Variants in CDC37 observed in about 807,000 individuals in gnomAD.
CDC37 encodes hsp90 co-chaperone Cdc37.
Under a neutral mutation model 46.9 loss-of-function variants are expected in CDC37, and 9 were observed. That is an observed-to-expected ratio of 0.19 (90% confidence interval 0.12 to 0.33). The LOEUF is 0.33. Among genes scored for constraint, CDC37 ranks in the 10% least tolerant of loss-of-function variants. The probability of loss-of-function intolerance (pLI) is 1.00; values close to 1 mark genes in which losing one functional copy is unlikely to be tolerated. For synonymous variants in CDC37, 193 were observed against 191.0 expected, an observed-to-expected ratio of 1.01 and a Z score of -0.09; for missense variants, 388 against 514.6, an observed-to-expected ratio of 0.75 and a Z score of 2.38.
intron 7 of CDC37, chr19:10,392,750 G>T (rs1338406533): frequency 5.5e-6 from 2 of 365,322 alleles, no homozygotes; most frequent in Non-Finnish European, 1.0e-5. Context: ...GCGTTTACCA[G>T]CCCCTGCCAT....
At chr19:10,395,904 G>GGCCCCCCCCCC in intron 2 of CDC37, 24 bp downstream of exon 2, 5 of 1,541,894 alleles carry the variant, frequency 3.2e-6, no homozygotes, top group Non-Finnish European at 3.5e-6. Context: ...CATGCGCACT[G>GGCCCCCCCCCC]CCCGCCCCGC....
chr19:10,401,751 G>A (rs1326608874), intron 1 of CDC37, among the ~76,000 whole-genome samples: 1 of 152,130 alleles, frequency 6.6e-6, no homozygotes, highest in African/African-American at 2.4e-5. Flanking sequence ...GGAAGGATGG[G>A]AAAGGGACCT....
intron 1 of CDC37, among the ~76,000 whole-genome samples, chr19:10,400,904 A>G (rs2042515421): frequency 3.9e-5 from 6 of 152,014 alleles, no homozygotes; most frequent in Admixed American, 3.9e-4. Flanking sequence ...CCCCAAAAGG[A>G]TTACAAATAT....
At chr19:10,392,891 G>A (rs1599379131) in intron 7 of CDC37, 195 bp downstream of exon 7, 4 of 605,798 alleles carry the variant, frequency 6.6e-6, no homozygotes, top group Non-Finnish European at 1.2e-5. Context: ...TCAAAGCTCA[G>A]CATTTATCTG....
At position 10,396,315 on chromosome 19, in the gene CDC37, C is replaced by T; in HGVS notation, c.103-112G>A. 1 of 1,266,922 alleles carries T rather than the reference C, an allele frequency of 7.9e-7. No individual in the cohort carries two copies. Among genetic ancestry groups the T allele is most frequent in the Non-Finnish European group, 1.1e-6 (1 of 921,082 alleles). 78.5% of individuals were successfully genotyped at this position (1,266,922 alleles called of 1,614,324 possible). A position where few individuals can be genotyped will look rare whatever the true frequency, so the allele number is the denominator to read the frequency against. Reference sequence around the variant, plus strand: ...CCAGGAAAAAGTACGCGTCCACCTCCCGTGCCCTGGTCTCCCAGCTTCCGC... The same window carrying T: ...CCAGGAAAAAGTACGCGTCCACCTCTCGTGCCCTGGTCTCCCAGCTTCCGC... On this transcript the variant is annotated intron_variant, in intron 1 of 7. Transcript: ENST00000222005. The surrounding 1 kb of genome is among the most constrained non-coding windows in gnomAD (Gnocchi z 5.9).
rs148106370 is a variant in CDC37 at position 10,393,357 on chromosome 19, T to C, written c.811A>G (p.Ile271Val). 49 of 1,613,956 alleles carry C rather than the reference T, an allele frequency of 3.0e-5. No homozygotes were observed. The highest frequency in any genetic ancestry group is 5.0e-5 in the Admixed American group (3 of 59,988). ...TCGTACTCCTTCATGGCCTTCTCGA[T>C]GCGCAGCTTGGCACGGCCCCGCACA... is the stretch of plus-strand genomic sequence containing the variant. ...ERVRGRAKLR[I>V]EKAMKEYEEE... Residue 271 changes from isoleucine to valine, a missense_variant, in exon 6 of 8, where the codon ATC becomes GTC. Around this residue, in one of 2 missense-constraint regions of CDC37, gnomAD observed 374 missense variants for 467.4 expected, o/e 0.80. Coordinates refer to ENST00000222005, the MANE Select transcript of CDC37 (RefSeq NM_007065.4). The surrounding 1 kb of genome is among the most constrained non-coding windows in gnomAD (Gnocchi z 4.9).
At chr19:10,391,743 C>T (rs768476894) in intron 7 of CDC37, 37 bp from the exon 8 acceptor site, 13 of 1,603,772 alleles carry the variant, frequency 8.1e-6, no homozygotes, top group Non-Finnish European at 1.1e-5. Context: ...GTGGGGCCGC[C>T]AGCCGGTGGT....
chr19:10,393,006 C>A lies in CDC37; in HGVS notation c.981+80G>T. 1 of 1,339,250 alleles carries A rather than the reference C, an allele frequency of 7.5e-7. No individual in the cohort carries two copies. The highest frequency in any genetic ancestry group is 1.1e-6 in the Non-Finnish European group (1 of 932,310). 83.0% of individuals were successfully genotyped at this position (1,339,250 alleles called of 1,614,324 possible). On this transcript the variant is annotated intron_variant, in intron 7 of 7. Transcript: ENST00000222005. This position sits in a 1 kb window ranked among gnomAD's most constrained non-coding sequence, Gnocchi z 4.9. ...AGCCTTGGAGGGGCACTTTCACCAG[C>A]CGGCTTCAGAGACTTGGGACACAGG... is the stretch of plus-strand genomic sequence containing the variant.
intron 7 of CDC37, chr19:10,392,878 C>T (rs536891167): frequency 3.0e-5 from 18 of 596,266 alleles, no homozygotes; most frequent in African/African-American, 1.7e-4. Context: ...GAAGGACATG[C>T]GCTCAAAGCT....
chr19:10,393,477 C>T lies in CDC37; in HGVS notation c.727-36G>A. On this transcript the variant is annotated intron_variant, in intron 5 of 7. Transcript: ENST00000222005. This position sits in a 1 kb window ranked among gnomAD's most constrained non-coding sequence, Gnocchi z 4.9. ...TGGGCAGTGCTCACTGGACCTGGCC[C>T]AACGCTCAGGAGGGACTGGGGGGCC... 6.3e-7 allele frequency: 1 copy of T among 1,585,192 alleles called. No individual in the cohort carries two copies. Among genetic ancestry groups the T allele is most frequent in the African/African-American group, 1.3e-5 (1 of 74,338 alleles).
At chr19:10,401,038 TACAG>T (rs1568356016) in intron 1 of CDC37, among the ~76,000 whole-genome samples, 1 of 152,214 alleles carries the variant, frequency 6.6e-6, no homozygotes, top group Non-Finnish European at 1.5e-5. Context: ...ACGTGAGTGA[TACAG>T]ACAGAGCTGA....
At position 10,396,695 on chromosome 19, in the gene CDC37, C is replaced by T. The variant is rs186222573; in HGVS notation, c.103-492G>A. Among the ~76,000 whole-genome samples, 33 of 152,264 alleles carry T rather than the reference C, an allele frequency of 2.2e-4. 1 individual carries two copies. In the East Asian group the frequency reaches 5.2e-3, roughly 24 times the overall value. ...AGGCGATCCTCCCACCTCAGTCTCCCAAGTAGCTGGGACTACAGGTGTGCA... is the reference window on the plus strand; with the variant it reads ...AGGCGATCCTCCCACCTCAGTCTCCTAAGTAGCTGGGACTACAGGTGTGCA... On this transcript the variant is annotated intron_variant, in intron 1 of 7. Coordinates refer to ENST00000222005, the MANE Select transcript of CDC37 (RefSeq NM_007065.4). This position sits in a 1 kb window ranked among gnomAD's most constrained non-coding sequence, Gnocchi z 5.9.
chr19:10,393,629 ACCACCTGCTTGGGAGC>A lies in CDC37; in HGVS notation c.727-204_727-189del, dbSNP rs1778468021. On this transcript the variant is annotated intron_variant, in intron 5 of 7. Coordinates refer to ENST00000222005, the MANE Select transcript of CDC37 (RefSeq NM_007065.4). The surrounding 1 kb of genome is among the most constrained non-coding windows in gnomAD (Gnocchi z 4.9). The stretch of plus-strand genomic sequence containing the variant: ...GGACCTCATCTGGCATTTGCCAAAG[ACCACCTGCTTGGGAGC>A]CCTGCTCTACTGCAGATCTGAGACA... The A allele has an allele frequency of 1.7e-6, 1 of 589,304 alleles. No homozygotes were observed. The highest frequency in any genetic ancestry group is 1.9e-5 in the African/African-American group (1 of 52,876). 36.5% of individuals were successfully genotyped at this position (589,304 alleles called of 1,614,324 possible).
chr19:10,395,724 G>C (rs746264493), intron 2 of CDC37, 181 bp from the exon 3 acceptor site: 23 of 747,584 alleles, frequency 3.1e-5, no homozygotes, highest in East Asian at 5.3e-5. Flanking sequence ...GAGGGGACCG[G>C]TGGGGTGTTT....
rs1345627898 is a variant in CDC37 at position 10,395,315 on chromosome 19, T to C, written c.516A>G (p.Gln172=). ...GGTGGACGTTGTCTGACAGGTACTT[T>C]TGGCTGTCATCCCAGCGGCGAAGCA... is the stretch of plus-strand genomic sequence containing the variant. ...FGMLRRWDDS[Q]KYLSDNVHLV... The change falls in exon 4 of 8, where the codon CAA becomes CAG. Residue 172 remains glutamine, a synonymous_variant. Coordinates refer to ENST00000222005, the MANE Select transcript of CDC37 (RefSeq NM_007065.4). 1 of 1,614,046 alleles carries C rather than the reference T, an allele frequency of 6.2e-7. No individual in the cohort carries two copies. The highest frequency in any genetic ancestry group is 1.7e-5 in the Admixed American group (1 of 60,006).
At chr19:10,395,743 C>CGGGGGGGGGG in intron 2 of CDC37, 185 bp downstream of exon 2, 1 of 622,926 alleles carries the variant, frequency 1.6e-6, no homozygotes, top group Non-Finnish European at 2.8e-6. Flanking sequence ...TTCATCCGCC[C>CGGGGGGGGGG]GGCCCCCCAA....
At position 10,395,055 on chromosome 19, in the gene CDC37, C is replaced by T. The variant is rs757330227; in HGVS notation, c.692G>A (p.Arg231Gln). ...AGTGAAGAACTGCCGGAAGCAGGCCCGGGGGTCCACCTTTAGGCTCTTGGC... is the reference window on the plus strand; with the variant it reads ...AGTGAAGAACTGCCGGAAGCAGGCCTGGGGGTCCACCTTTAGGCTCTTGGC... The part of the protein sequence containing the change: ...ELAKSLKVDP[R>Q]ACFRQFFTKI... Residue 231 changes from arginine (R) to glutamine (Q), a missense_variant, in exon 5 of 8, where the codon CGG (arginine) becomes CAG (glutamine). By Grantham distance (43) the Arg-to-Gln change is conservative. Transcript: ENST00000222005. 3.9e-6 allele frequency: 6 copies of T among 1,536,652 alleles called. No homozygotes were observed. The highest frequency in any genetic ancestry group is 5.3e-6 in the Non-Finnish European group (6 of 1,140,096).
At chr19:10,399,931 T>TAAAAAA (rs56162717) in intron 1 of CDC37, among the ~76,000 whole-genome samples, 3 of 48,318 alleles carry the variant, frequency 6.2e-5, no homozygotes, top group Non-Finnish European at 1.1e-4. Context: ...GACTCCGTCT[T>TAAAAAA]AAAAAAAAAA....
At chr19:10,395,904 G>GT in intron 2 of CDC37, 24 bp downstream of exon 2, 11 of 1,541,888 alleles carry the variant, frequency 7.1e-6, no homozygotes, top group Admixed American at 1.9e-5. Flanking sequence ...CATGCGCACT[G>GT]CCCGCCCCGC....
Sources: allele counts gnomAD v4.1 joint callset (sites outside exome capture counted in the v4.1 genomes callset), GRCh38; gene constraint gnomAD v4.1.1; regional missense constraint gnomAD v4.1.1; non-coding constraint Gnocchi (gnomAD v3.1); transcripts MANE v1.5; gene names NCBI Gene and HGNC (gene_info 2026-07-23, HGNC 2026-07-21).